FGF1: variants seen among roughly 807,000 people sequenced by gnomAD.
The protein encoded by FGF1 is fibroblast growth factor 1.
Under a neutral mutation model 13.4 loss-of-function variants are expected in FGF1, and 9 were observed. That is an observed-to-expected ratio of 0.67 (90% CI 0.40 to 1.17). The LOEUF (loss-of-function observed/expected upper bound fraction) is 1.17, where lower values mean the gene tolerates loss of function less well. Among genes scored for constraint, FGF1 ranks in the 50% most tolerant of loss-of-function variants. The pLI, the probability that FGF1 is intolerant of heterozygous loss-of-function variation, is 0.01. For missense variants in FGF1, 156 were observed against 192.7 expected, an observed-to-expected ratio of 0.81 and a Z score of 1.13; for synonymous variants, 93 against 79.0, an observed-to-expected ratio of 1.18 and a Z score of -0.94.
chr5:142,614,199 A>G, intron 1 of FGF1, 38 bp from the exon 2 acceptor site: 1 of 1,541,038 alleles, frequency 6.5e-7, no homozygotes, highest in Admixed American at 1.7e-5. Context: ...CGGTTCTTCC[A>G]GCAAAGGCAC....
intron 1 of FGF1, among the ~76,000 whole-genome samples, chr5:142,615,178 G>C (rs558327207): frequency 9.9e-5 from 15 of 151,420 alleles, no homozygotes; most frequent in African/African-American, 3.6e-4. Context: ...AAACTGAAAA[G>C]AAAGAGGCCA....
intron 2 of FGF1, among the ~76,000 whole-genome samples, chr5:142,612,000 C>A (rs1023209732): frequency 3.3e-5 from 5 of 152,188 alleles, no homozygotes; most frequent in African/African-American, 1.2e-4. Flanking sequence ...CTCATTTAAC[C>A]CTCCCAAGAA....
chr5:142,644,562 TG>T (rs1299713497), intron 1 of FGF1, among the ~76,000 whole-genome samples: 1 of 152,206 alleles, frequency 6.6e-6, no homozygotes, highest in Non-Finnish European at 1.5e-5. Flanking sequence ...GAGTCAATTT[TG>T]GTTGCTTACA....
chr5:142,597,581 C>T (rs1238866285), intron 3 of FGF1, among the ~76,000 whole-genome samples: 1 of 152,156 alleles, frequency 6.6e-6, no homozygotes, highest in Non-Finnish European at 1.5e-5. Context: ...ATATTTATTA[C>T]ATTTGGGTCT....
At chr5:142,608,915 G>A (rs1326827785) in intron 2 of FGF1, among the ~76,000 whole-genome samples, 1 of 151,906 alleles carries the variant, frequency 6.6e-6, no homozygotes, top group Non-Finnish European at 1.5e-5. Context: ...CGAGGTGAGA[G>A]AACCCTGTCG....
chr5:142,651,103 C>CT (rs1767156776), intron 1 of FGF1, among the ~76,000 whole-genome samples: 1 of 152,068 alleles, frequency 6.6e-6, no homozygotes, highest in Admixed American at 6.5e-5. Context: ...GCTGCGAGGG[C>CT]TGGGGATCCT....
intron 1 of FGF1, among the ~76,000 whole-genome samples, chr5:142,627,807 T>A (rs1242633933): frequency 6.6e-6 from 1 of 152,248 alleles, no homozygotes; most frequent in South Asian, 2.1e-4. Flanking sequence ...AACTTGTTTC[T>A]TTTTGCATTT....
chr5:142,637,499 T>G (rs1764471296), intron 1 of FGF1, among the ~76,000 whole-genome samples: 1 of 151,870 alleles, frequency 6.6e-6, no homozygotes, highest in Non-Finnish European at 1.5e-5. Context: ...TTTTTGTATT[T>G]TTGTAGAGAC....
Position 142,673,804 on chromosome 5 carries a change from G to A in FGF1, c.-35+12153C>T, listed in dbSNP as rs1771947200. ...TAGGAGAATATCAATCTTCAGCGAG[G>A]GTCTTAAAATGTCAATCATTGCCTG... On this transcript the variant is annotated intron_variant, in intron 1 of 3. Coordinates refer to ENST00000337706, the MANE Select transcript of FGF1 (RefSeq NM_000800.5). 2.0e-5 allele frequency among the ~76,000 whole-genome samples: 3 copies of A among 152,146 alleles called. No individual in the cohort carries two copies. In the South Asian group the frequency reaches 6.2e-4, roughly 32 times the overall value.
rs912661771 is a variant in FGF1, at chr5:142,637,210, C to G, written c.-34-23049G>C. Among the ~76,000 whole-genome samples the G allele has an allele frequency of 1.5e-3, 229 of 151,946 alleles. 5 individuals carry two copies. Among genetic ancestry groups the G allele is most frequent in the Non-Finnish European group, 4.1e-4 (28 of 68,018 alleles). ...ATGAACTAAACTCGAATTTTAAAAT[C>G]CCAACACCAAAGATACAAGGAATAT... On this transcript the variant is annotated intron_variant, in intron 1 of 3. Transcript: ENST00000337706.
intron 1 of FGF1, among the ~76,000 whole-genome samples, chr5:142,652,645 C>G (rs1439444628): frequency 1.3e-5 from 2 of 152,236 alleles, no homozygotes; most frequent in African/African-American, 2.4e-5. Flanking sequence ...GGCCACTACT[C>G]TCCATCTCAG....
chr5:142,600,461 C>T (rs1466109398), intron 3 of FGF1, among the ~76,000 whole-genome samples: 1 of 152,198 alleles, frequency 6.6e-6, no homozygotes, highest in Non-Finnish European at 1.5e-5. Context: ...GTTACCAAAA[C>T]ATCAATCAAT....
intron 1 of FGF1, among the ~76,000 whole-genome samples, chr5:142,659,095 G>C (rs1768692834): frequency 1.3e-5 from 2 of 152,060 alleles, no homozygotes; most frequent in South Asian, 4.1e-4. Flanking sequence ...TCTCATTCAG[G>C]TTCTTTATCA....
intron 1 of FGF1, among the ~76,000 whole-genome samples, chr5:142,672,273 A>G (rs1466537912): frequency 1.3e-5 from 2 of 152,224 alleles, no homozygotes; most frequent in Admixed American, 6.5e-5. Flanking sequence ...TCTATTTCCT[A>G]TAATGAGATC....
At chr5:142,688,188 T>G (rs1467878850), upstream of FGF1, among the ~76,000 whole-genome samples, 1 of 152,238 alleles carries the variant, frequency 6.6e-6, no homozygotes, top group Non-Finnish European at 1.5e-5. Context: ...TGTTTGGCAA[T>G]ATTACTGTCC....
In FGF1 at chr5:142,613,993, T is replaced by C. The variant is rs1329989565; in HGVS notation, c.135A>G (p.Thr45=). ...CGCTCCTGTCCCTTGTCCCATCCAC[T>C]GTGCCATCCGGAAGGATCCTCAGGA... The part of the protein sequence containing the change: ...GHFLRILPDG[T]VDGTRDRSDQ... Residue 45 remains threonine (T), a synonymous_variant, in exon 2 of 4, where the codon ACA becomes ACG. Coordinates refer to ENST00000337706, the MANE Select transcript of FGF1 (RefSeq NM_000800.5). The C allele has an allele frequency of 1.9e-6, 3 of 1,614,000 alleles. No homozygotes were observed. Among genetic ancestry groups the C allele is most frequent in the Non-Finnish European group, 2.5e-6 (3 of 1,180,012 alleles).
intron 1 of FGF1, among the ~76,000 whole-genome samples, chr5:142,636,165 T>C (rs892630761): frequency 2.0e-5 from 3 of 152,226 alleles, no homozygotes; most frequent in Non-Finnish European, 2.9e-5. Flanking sequence ...CACGGGCCAC[T>C]AGCAGGTACA....
chr5:142,656,843 C>T (rs929249268), intron 1 of FGF1, among the ~76,000 whole-genome samples: 1 of 152,156 alleles, frequency 6.6e-6, no homozygotes, highest in East Asian at 1.9e-4. Flanking sequence ...AAATGATTAC[C>T]CCTGGGGAGT....
intron 2 of FGF1, among the ~76,000 whole-genome samples, chr5:142,693,175 A>G (rs1037359355): frequency 1.3e-5 from 2 of 152,214 alleles, no homozygotes; most frequent in South Asian, 2.1e-4. Context: ...GCCAGGCTCT[A>G]TGGGACAAGA....
Sources: allele counts gnomAD v4.1 joint callset (sites outside exome capture counted in the v4.1 genomes callset), GRCh38; gene constraint gnomAD v4.1.1; transcripts MANE v1.5; gene names NCBI Gene and HGNC (gene_info 2026-07-23, HGNC 2026-07-21).